Variants in ARHGEF28 observed in about 807,000 individuals in gnomAD.
The protein encoded by ARHGEF28 is 190 kDa guanine nucleotide exchange factor.
A neutral mutation model predicts 206.6 loss-of-function variants in ARHGEF28; 152 were observed. The ratio of observed to expected loss-of-function variants is 0.74; its 90% confidence interval spans 0.64 to 0.84. The LOEUF is 0.84. Ranked by LOEUF, ARHGEF28 falls within the 40% of genes least tolerant of loss-of-function variation. ARHGEF28 has a pLI of 0.00. For missense variants in ARHGEF28, 2,028 were observed against 2,073.2 expected, an observed-to-expected ratio of 0.98 and a Z score of 0.42; for synonymous variants, 763 against 776.4, an observed-to-expected ratio of 0.98 and a Z score of 0.29.
At chr5:73,742,621 G>C (rs1751502025) in intron 2 of ARHGEF28, among the ~76,000 whole-genome samples, 1 of 150,776 alleles carries the variant, frequency 6.6e-6, no homozygotes, top group African/African-American at 2.4e-5. Context: ...TCAGGAGATC[G>C]AGACCATCCT....
intron 31 of ARHGEF28, chr5:73,903,285 A>G (rs1580075719): frequency 6.6e-6 from 1 of 152,164 alleles, no homozygotes; most frequent in Non-Finnish European, 1.5e-5. Context: ...CCCATAGCGT[A>G]AGGTGTGAAG....
At position 73,849,016 on chromosome 5, in the gene ARHGEF28, G is replaced by C; in HGVS notation, c.1676G>C (p.Cys559Ser). ...LSGVRSRSYS[C>S]SSPKISLGKT... Reference sequence around the variant, plus strand: ...GGAGTTCGCTCACGTTCTTATTCTTGCTCATCACCCAAAATTTCTTTAGGA... The same window carrying C: ...GGAGTTCGCTCACGTTCTTATTCTTCCTCATCACCCAAAATTTCTTTAGGA... The change falls in exon 13 of 36, where the codon TGC becomes TCC. Residue 559 changes from cysteine to serine, a missense_variant. Cys to Ser is a moderately radical substitution (Grantham distance 112, BLOSUM62 -1). Around this residue, in one of 3 missense-constraint regions of ARHGEF28, gnomAD observed 1,002 missense variants for 1,015.3 expected, o/e 0.99. Transcript: ENST00000513042. 6.3e-7 allele frequency: 1 copy of C among 1,579,564 alleles called. No homozygotes were observed. The highest frequency in any genetic ancestry group is 1.3e-5 in the African/African-American group (1 of 74,326).
chr5:73,874,143 A>C (rs1324015958), intron 22 of ARHGEF28, among the ~76,000 whole-genome samples: 2 of 152,122 alleles, frequency 1.3e-5, no homozygotes, highest in Non-Finnish European at 2.9e-5. Flanking sequence ...ATATCTTTTC[A>C]TGTGCTTATT....
intron 35 of ARHGEF28, among the ~76,000 whole-genome samples, chr5:73,927,980 T>C (rs914691638): frequency 6.6e-6 from 1 of 152,210 alleles, no homozygotes; most frequent in African/African-American, 2.4e-5. Context: ...GCAGATGTCA[T>C]TTCAAACAAA....
chr5:73,838,255 G>A (rs1449058239), intron 10 of ARHGEF28, among the ~76,000 whole-genome samples: 1 of 59,080 alleles, frequency 1.7e-5, no homozygotes, highest in Non-Finnish European at 3.1e-5. Context: ...TATTAGCATA[G>A]TACTTTTTTT....
intron 7 of ARHGEF28, among the ~76,000 whole-genome samples, chr5:73,786,860 A>C (rs1261894018): frequency 6.6e-6 from 1 of 152,192 alleles, no homozygotes; most frequent in East Asian, 1.9e-4. Flanking sequence ...ACGTGTTTTG[A>C]GATACCAGGA....
chr5:73,883,918 C>G, intron 24 of ARHGEF28, 34 bp downstream of exon 24: 1 of 1,385,160 alleles, frequency 7.2e-7, no homozygotes, highest in Non-Finnish European at 9.7e-7. Flanking sequence ...AAATTTGCCC[C>G]TCTTATTAGT....
intron 13 of ARHGEF28, among the ~76,000 whole-genome samples, chr5:73,849,451 A>G (rs1327573693): frequency 1.3e-5 from 2 of 152,102 alleles, no homozygotes; most frequent in African/African-American, 4.8e-5. Context: ...TCATATATAC[A>G]TTGCTAACAT....
chr5:73,640,999 A>G (rs1744042028), intron 1 of ARHGEF28, among the ~76,000 whole-genome samples: 2 of 152,214 alleles, frequency 1.3e-5, no homozygotes, highest in African/African-American at 4.8e-5. Flanking sequence ...GAGCCAATTC[A>G]AATTAGGGGA....
intron 2 of ARHGEF28, among the ~76,000 whole-genome samples, chr5:73,718,554 G>A (rs1267857743): frequency 6.6e-6 from 1 of 152,112 alleles, no homozygotes; most frequent in Non-Finnish European, 1.5e-5. Context: ...GTGTCTGCTT[G>A]CATCTGTGTC....
intron 35 of ARHGEF28, among the ~76,000 whole-genome samples, chr5:73,914,899 C>G (rs549587942): frequency 3.9e-5 from 6 of 152,246 alleles, no homozygotes. Context: ...TTGCACTATG[C>G]CCAGCTAATT....
At chr5:73,889,298 A>G in intron 26 of ARHGEF28, among the ~76,000 whole-genome samples, 1 of 152,232 alleles carries the variant, frequency 6.6e-6, no homozygotes, top group East Asian at 1.9e-4. Flanking sequence ...ATGAATTTGG[A>G]AGTAGCCAGA....
chr5:73,704,539 C>T (rs1447435627), intron 2 of ARHGEF28, among the ~76,000 whole-genome samples: 3 of 152,140 alleles, frequency 2.0e-5, no homozygotes, highest in Non-Finnish European at 4.4e-5. Flanking sequence ...ATTCTCCTGC[C>T]TCAGCCTCCT....
At chr5:73,738,250 G>C (rs1751137652) in intron 2 of ARHGEF28, among the ~76,000 whole-genome samples, 1 of 152,148 alleles carries the variant, frequency 6.6e-6, no homozygotes, top group Non-Finnish European at 1.5e-5. Flanking sequence ...GATGGAAGGT[G>C]ACCACCAGGG....
chr5:73,762,070 C>T (rs940962123), intron 4 of ARHGEF28, among the ~76,000 whole-genome samples: 9 of 150,696 alleles, frequency 6.0e-5, no homozygotes, highest in South Asian at 2.1e-4. Flanking sequence ...TGGGCTCAAA[C>T]GATCCTCCTA....
chr5:73,851,406 CTTT>C (rs77725087), intron 13 of ARHGEF28, among the ~76,000 whole-genome samples: 5 of 139,336 alleles, frequency 3.6e-5, no homozygotes, highest in Non-Finnish European at 4.7e-5. Flanking sequence ...TCTCATGCGT[CTTT>C]TTTTTTTTTT....
At chr5:73,686,690 T>G (rs1450524210) in intron 2 of ARHGEF28, among the ~76,000 whole-genome samples, 1 of 151,712 alleles carries the variant, frequency 6.6e-6, no homozygotes, top group African/African-American at 2.4e-5. Flanking sequence ...GCAAATTTTT[T>G]TTTGTATGTT....
rs1762770134 is a variant in ARHGEF28, at chr5:73,909,719, G to A, written c.4469G>A (p.Arg1490Gln). Reference sequence around the variant, plus strand: ...CAGGAGGAGCTGCTGCTGCGGAGCCGGGGCGAGCTGGACCTCCAGCTCCAG... The same window carrying A: ...CAGGAGGAGCTGCTGCTGCGGAGCCAGGGCGAGCTGGACCTCCAGCTCCAG... ...QSQEELLLRS[R>Q]GELDLQLQEY... Residue 1490 changes from arginine to glutamine, a missense_variant, in exon 34 of 36, where the codon CGG becomes CAG. Arg to Gln is a conservative substitution (Grantham distance 43). This residue lies in a region of ARHGEF28 where 803 missense variants were observed against 768.0 expected (regional missense o/e 1.05). Coordinates refer to ENST00000513042, the MANE Select transcript of ARHGEF28 (RefSeq NM_001177693.2). 30 of 1,520,374 alleles carry A rather than the reference G, an allele frequency of 2.0e-5. No individual in the cohort carries two copies. The highest frequency in any genetic ancestry group is 2.4e-5 in the Non-Finnish European group (27 of 1,133,090). The allele number at this position is 1,520,374 out of a possible 1,614,324, so 94.2% of individuals were successfully genotyped here.
chr5:73,680,418 G>C (rs1426583392), intron 1 of ARHGEF28, among the ~76,000 whole-genome samples: 1 of 104,562 alleles, frequency 9.6e-6, no homozygotes, highest in Non-Finnish European at 1.7e-5. Context: ...CTGGGCAAGA[G>C]AGTAAGACTC....
Sources: gnomAD v4.1 joint callset for allele counts (sites outside exome capture counted in the v4.1 genomes callset) on GRCh38, gnomAD v4.1.1 for gene constraint, gnomAD v4.1.1 regional missense constraint, MANE v1.5 for transcripts, NCBI Gene and HGNC (gene_info 2026-07-23, HGNC 2026-07-21) for gene names.